FUT9: variants seen among roughly 807,000 people sequenced by gnomAD.
The protein encoded by FUT9 is fucosyltransferase 9, also known as 4-galactosyl-N-acetylglucosaminide 3-alpha-L-fucosyltransferase 9.
FUT9 carries 15 observed loss-of-function variants against 29.7 expected under a neutral mutation model. That is an observed-to-expected ratio of 0.51 (90% CI 0.34 to 0.78). The LOEUF (loss-of-function observed/expected upper bound fraction) is 0.78. FUT9 is among the 30% of genes least tolerant of loss of function. The pLI, the probability that FUT9 is intolerant of heterozygous loss-of-function variation, is 0.01. For synonymous variants in FUT9, 169 were observed against 153.7 expected (o/e 1.10, Z -0.74); for missense variants, 319 against 425.4 (o/e 0.75, Z 2.20).
chr6:96,093,018 T>C (rs544605194), intron 1 of FUT9, among the ~76,000 whole-genome samples: 1 of 152,280 alleles, frequency 6.6e-6, no homozygotes, highest in East Asian at 1.9e-4. Context: ...TCCTCCTGCC[T>C]TGGCCTCCTA....
chr6:96,081,765 G>T (rs1317281214), intron 1 of FUT9, among the ~76,000 whole-genome samples: 1 of 151,828 alleles, frequency 6.6e-6, no homozygotes, highest in Non-Finnish European at 1.5e-5. Flanking sequence ...AAGTGTTTGT[G>T]CTGATTTACA....
At chr6:96,030,884 A>G (rs1007127583) in intron 1 of FUT9, among the ~76,000 whole-genome samples, 1 of 151,576 alleles carries the variant, frequency 6.6e-6, no homozygotes, top group African/African-American at 2.4e-5. Flanking sequence ...AAAAAAATAA[A>G]AACGTAGGAA....
chr6:96,143,146 TAGGTCAGGAGGGTGG>T (rs766563102), intron 2 of FUT9, among the ~76,000 whole-genome samples: 20 of 152,136 alleles, frequency 1.3e-4, no homozygotes, highest in Non-Finnish European at 2.1e-4. Context: ...AAGAGGTGAT[TAGGTCAGGAGGGTGG>T]AACCCTTGTT....
chr6:96,122,393 G>A (rs1257807988), intron 2 of FUT9, among the ~76,000 whole-genome samples: 1 of 152,080 alleles, frequency 6.6e-6, no homozygotes, highest in Non-Finnish European at 1.5e-5. Flanking sequence ...CTACACTTTA[G>A]GTTACTTTTC....
At chr6:96,102,785 C>T (rs904661006) in intron 1 of FUT9, among the ~76,000 whole-genome samples, 2 of 152,032 alleles carry the variant, frequency 1.3e-5, no homozygotes, top group Non-Finnish European at 2.9e-5. Flanking sequence ...GTAGAAATTG[C>T]GTGTTTTACC....
At chr6:96,116,948 TAAAA>T (rs1291073068) in intron 2 of FUT9, among the ~76,000 whole-genome samples, 2 of 151,916 alleles carry the variant, frequency 1.3e-5, no homozygotes, top group Admixed American at 1.3e-4. Flanking sequence ...GCATGCACAT[TAAAA>T]AAAGAAAGAA....
At chr6:96,162,492 A>G (rs1772930399) in intron 2 of FUT9, among the ~76,000 whole-genome samples, 1 of 152,162 alleles carries the variant, frequency 6.6e-6, no homozygotes. Context: ...ATACTTCCCC[A>G]TCTAACTGTA....
At chr6:96,178,615 A>G (rs998231913) in intron 2 of FUT9, among the ~76,000 whole-genome samples, 6 of 152,120 alleles carry the variant, frequency 3.9e-5, no homozygotes, top group Non-Finnish European at 7.4e-5. Context: ...TTCCATTGGC[A>G]ACCACCTCAC....
At chr6:96,126,742 C>CATTTCACCTA (rs1392731534) in intron 2 of FUT9, among the ~76,000 whole-genome samples, 6 of 152,168 alleles carry the variant, frequency 3.9e-5, no homozygotes, top group African/African-American at 1.4e-4. Context: ...CTATTATAAA[C>CATTTCACCTA]ATACTTATTT....
chr6:96,046,392 ATTTGAAAAATATTAAC>A (rs1770564266), intron 1 of FUT9, among the ~76,000 whole-genome samples: 1 of 152,202 alleles, frequency 6.6e-6, no homozygotes, highest in Non-Finnish European at 1.5e-5. Flanking sequence ...TCACAGACCA[ATTTGAAAAATATTAAC>A]CTACAACTCC....
chr6:96,206,939 A>G lies in FUT9; in HGVS notation c.*2704A>G. 6.0e-6 allele frequency: 1 copy of G among 167,080 alleles called. No individual in the cohort carries two copies. The allele number at this position is 167,080 out of a possible 1,614,324, so 10.3% of individuals were successfully genotyped here. On this transcript the variant is annotated 3_prime_UTR_variant, in exon 3 of 3. Transcript: ENST00000302103. ...TGTTGGACTATGACTATAATCACAC[A>G]CTGATAATATGACGCAAGTAGAGGC...
chr6:96,147,242 A>C (rs1036031456), intron 2 of FUT9, among the ~76,000 whole-genome samples: 3 of 146,036 alleles, frequency 2.1e-5, no homozygotes, highest in Non-Finnish European at 3.1e-5. Context: ...GCTCACTGCA[A>C]CCTCCACCTT....
chr6:96,150,929 A>G (rs1004719616), intron 2 of FUT9, among the ~76,000 whole-genome samples: 1 of 152,204 alleles, frequency 6.6e-6, no homozygotes, highest in African/African-American at 2.4e-5. Flanking sequence ...TTATAATAGC[A>G]AGTTACTTGA....
rs530754115 is a variant in FUT9 at position 96,055,629 on chromosome 6, G to A, written c.-98+39417G>A. Among the ~76,000 whole-genome samples, 41 of 150,708 alleles carry A rather than the reference G, an allele frequency of 2.7e-4. No homozygotes were observed. The South Asian group carries it at 4.0e-3, about 15-fold the overall frequency. ...TTGTTGTACCGGTTGTTTCTTTATG[G>A]TGTGGTCTGTTTTCAGTTACACAGA... On this transcript the variant is annotated intron_variant, in intron 1 of 2. Coordinates refer to ENST00000302103, the MANE Select transcript of FUT9 (RefSeq NM_006581.4).
chr6:96,082,968 T>A, intron 1 of FUT9, among the ~76,000 whole-genome samples: 1 of 152,030 alleles, frequency 6.6e-6, no homozygotes, highest in East Asian at 1.9e-4. Flanking sequence ...CATTTAGAAA[T>A]GAGAGTTCTT....
intron 1 of FUT9, among the ~76,000 whole-genome samples, chr6:96,086,307 T>A (rs1771315825): frequency 6.6e-6 from 1 of 152,212 alleles, no homozygotes; most frequent in African/African-American, 2.4e-5. Context: ...CTATGCAGTC[T>A]ACCTTTCTTT....
At chr6:96,016,542 C>A (rs1769982325) in intron 1 of FUT9, among the ~76,000 whole-genome samples, 1 of 152,132 alleles carries the variant, frequency 6.6e-6, no homozygotes, top group African/African-American at 2.4e-5. Flanking sequence ...TGTTACTGTC[C>A]CTGCGTTCCC....
intron 1 of FUT9, among the ~76,000 whole-genome samples, chr6:96,093,944 T>C (rs1402497850): frequency 1.3e-5 from 2 of 152,122 alleles, no homozygotes; most frequent in East Asian, 1.9e-4. Flanking sequence ...GAACCCTAAT[T>C]TGGTGCATTG....
chr6:96,028,100 T>C (rs778415209), intron 1 of FUT9, among the ~76,000 whole-genome samples: 6 of 151,534 alleles, frequency 4.0e-5, no homozygotes, highest in Non-Finnish European at 7.4e-5. Flanking sequence ...AGTATGCCAG[T>C]GGCAATCTTG....
Sources: allele counts gnomAD v4.1 joint callset (sites outside exome capture counted in the v4.1 genomes callset), GRCh38; gene constraint gnomAD v4.1.1; transcripts MANE v1.5; gene names NCBI Gene and HGNC (gene_info 2026-07-23, HGNC 2026-07-21).